The following GALNT18 variants were observed in gnomAD, a reference collection of about 807,000 sequenced individuals.
The protein encoded by GALNT18 is GalNAc-transferase 18.
Under a neutral mutation model 69.5 loss-of-function variants are expected in GALNT18, and 44 were observed. The ratio of observed to expected loss-of-function variants is 0.63; its 90% CI spans 0.50 to 0.81. The LOEUF (loss-of-function observed/expected upper bound fraction) is 0.81, where lower values mean the gene tolerates loss of function less well. Ranked by LOEUF, GALNT18 falls within the 40% of genes least tolerant of loss-of-function variation. GALNT18 has a pLI of 0.00. For missense variants in GALNT18, 715 were observed against 810.0 expected (o/e 0.88, Z 1.42); for synonymous variants, 364 against 318.2 (o/e 1.14, Z -1.53).
intron 6 of GALNT18, among the ~76,000 whole-genome samples, chr11:11,362,176 T>C (rs866319254): frequency 6.6e-5 from 10 of 152,300 alleles, no homozygotes; most frequent in African/African-American, 2.4e-4. Flanking sequence ...GCAGGATCAA[T>C]TCTGAATGAA....
intron 1 of GALNT18, among the ~76,000 whole-genome samples, chr11:11,526,408 G>A (rs1403897345): frequency 6.6e-6 from 1 of 152,108 alleles, no homozygotes; most frequent in South Asian, 2.1e-4. Context: ...TGCAGCGCTG[G>A]TCCCTTTCTG....
rs544159067 is a variant in GALNT18 at position 11,415,476 on chromosome 11, A to G, written c.595+17145T>C. 6.6e-6 allele frequency among the ~76,000 whole-genome samples: 1 copy of G among 152,284 alleles called. No individual in the cohort carries two copies. The highest frequency in any genetic ancestry group is 1.5e-5 in the Non-Finnish European group (1 of 68,028). ...AGTTCATGTGAGTCTGTCTCTAGGT[A>G]CAAGGCAGTTAAAGAAATACATAAG... is the stretch of plus-strand genomic sequence containing the variant. On this transcript the variant is annotated intron_variant, in intron 3 of 10. Transcript: ENST00000227756. This position sits in a 1 kb window ranked among gnomAD's most constrained non-coding sequence, Gnocchi z 4.1.
chr11:11,426,992 C>A (rs1855147220), intron 3 of GALNT18, among the ~76,000 whole-genome samples: 1 of 152,196 alleles, frequency 6.6e-6, no homozygotes, highest in Non-Finnish European at 1.5e-5. Flanking sequence ...GTTGTACAGG[C>A]TGGCCTTGAA....
intron 1 of GALNT18, among the ~76,000 whole-genome samples, chr11:11,610,165 A>G (rs180755634): frequency 3.9e-5 from 6 of 152,320 alleles, no homozygotes; most frequent in East Asian, 3.9e-4. Flanking sequence ...ACAACTCTCA[A>G]AAAGTTTTCT....
intron 1 of GALNT18, among the ~76,000 whole-genome samples, chr11:11,489,623 A>C (rs2133882680): frequency 6.6e-6 from 1 of 152,286 alleles, no homozygotes; most frequent in South Asian, 2.1e-4. Context: ...CCATGAAAAC[A>C]CCTGTGACCT....
chr11:11,345,686 T>C (rs138356043), intron 6 of GALNT18, among the ~76,000 whole-genome samples: 17 of 151,984 alleles, frequency 1.1e-4, no homozygotes, highest in African/African-American at 4.1e-4. Context: ...GGGGATGAAG[T>C]GTGGGTACAG....
intron 1 of GALNT18, among the ~76,000 whole-genome samples, chr11:11,495,503 C>T (rs1022539199): frequency 3.9e-5 from 6 of 152,168 alleles, no homozygotes; most frequent in African/African-American, 1.4e-4. Context: ...AAATGAGCTC[C>T]ACTCTTAAGC....
chr11:11,306,838 TC>T (rs56951776), intron 9 of GALNT18, among the ~76,000 whole-genome samples: 95,666 of 152,004 alleles, frequency 0.63, 30,614 homozygotes, highest in Admixed American at 0.76. Context: ...TCTCCCTTTA[TC>T]CGAGTCTGGG....
At position 11,616,415 on chromosome 11, in the gene GALNT18, G is replaced by C. The variant is rs564517251; in HGVS notation, c.235+4944C>G. 9.0e-4 allele frequency among the ~76,000 whole-genome samples: 137 copies of C among 152,236 alleles called. 1 individual carries two copies. The highest frequency in any genetic ancestry group is 4.6e-3 in the Admixed American group (71 of 15,296). ...AAACAATCTTTCATAAAAATGTTCA[G>C]ACTCTTTGAGTCAGTACTAATCCCA... On this transcript the variant is annotated intron_variant, in intron 1 of 10. Coordinates refer to ENST00000227756, the MANE Select transcript of GALNT18 (RefSeq NM_198516.3). This position sits in a 1 kb window ranked among gnomAD's most constrained non-coding sequence, Gnocchi z 4.4.
At chr11:11,575,313 C>T (rs10831643) in intron 1 of GALNT18, among the ~76,000 whole-genome samples, 59,937 of 152,078 alleles carry the variant, frequency 0.39, 13,213 homozygotes, top group East Asian at 0.64. Flanking sequence ...TTTGATCAAG[C>T]TATTACTTCC....
chr11:11,306,978 AGCCTG>A (rs1564889078), intron 9 of GALNT18, among the ~76,000 whole-genome samples: 1 of 152,208 alleles, frequency 6.6e-6, no homozygotes, highest in African/African-American at 2.4e-5. Flanking sequence ...CATGTGTAGA[AGCCTG>A]GCCTAGCCTG....
chr11:11,331,320 C>T (rs1417150503), intron 8 of GALNT18, among the ~76,000 whole-genome samples: 3 of 152,144 alleles, frequency 2.0e-5, no homozygotes, highest in African/African-American at 7.2e-5. Flanking sequence ...GGGAGGATAA[C>T]ACTGTCTCCT....
At chr11:11,348,184 C>T (rs774247845) in intron 6 of GALNT18, among the ~76,000 whole-genome samples, 1 of 151,812 alleles carries the variant, frequency 6.6e-6, no homozygotes. Context: ...TCGACACCAG[C>T]CTGGCCAACA....
intron 10 of GALNT18, among the ~76,000 whole-genome samples, chr11:11,285,355 G>GGAGGAAA (rs1849173376): frequency 6.6e-6 from 1 of 152,130 alleles, no homozygotes; most frequent in Non-Finnish European, 1.5e-5. Context: ...ACCTTATAGC[G>GGAGGAAA]CTATCATAGG....
chr11:11,452,245 G>A (rs1438096124), intron 1 of GALNT18, among the ~76,000 whole-genome samples: 2 of 152,170 alleles, frequency 1.3e-5, no homozygotes, highest in African/African-American at 4.8e-5. Context: ...AGAATCCTAG[G>A]GTTTATCCTC....
Position 11,309,104 on chromosome 11 carries a change from A to C in GALNT18, c.1513-15911T>G, listed in dbSNP as rs1849628956. Among the ~76,000 whole-genome samples the C allele has an allele frequency of 6.6e-6, 1 of 151,846 alleles. No homozygotes were observed. Among genetic ancestry groups the C allele is most frequent in the African/African-American group, 2.4e-5 (1 of 41,338 alleles). On this transcript the variant is annotated intron_variant, in intron 9 of 10. Coordinates refer to ENST00000227756, the MANE Select transcript of GALNT18 (RefSeq NM_198516.3). This position sits in a 1 kb window ranked among gnomAD's most constrained non-coding sequence, Gnocchi z 4.6. ...GGATCACTGGAGCACTGCCCTCATG[A>C]ATGGATTAGTGCCATCATCAAGGGA... is the stretch of plus-strand genomic sequence containing the variant.
chr11:11,511,970 T>C lies in GALNT18; in HGVS notation c.236-63034A>G, dbSNP rs572006859. Among the ~76,000 whole-genome samples the C allele has an allele frequency of 7.2e-5, 11 of 152,208 alleles. No homozygotes were observed. Among genetic ancestry groups the C allele is most frequent in the Non-Finnish European group, 1.5e-4 (10 of 68,034 alleles). Reference sequence around the variant, plus strand: ...TGATCAACACATATACATATGTATATGTATGCATACCATCATATGTATACA... The same window carrying C: ...TGATCAACACATATACATATGTATACGTATGCATACCATCATATGTATACA... On this transcript the variant is annotated intron_variant, in intron 1 of 10. Transcript: ENST00000227756. The surrounding 1 kb of genome is among the most constrained non-coding windows in gnomAD (Gnocchi z 4.9).
At chr11:11,286,861 T>C (rs1849205546) in intron 10 of GALNT18, among the ~76,000 whole-genome samples, 1 of 152,152 alleles carries the variant, frequency 6.6e-6, no homozygotes, top group Non-Finnish European at 1.5e-5. Context: ...GCTGGCCCAG[T>C]GAGAATTCTA....
intron 1 of GALNT18, among the ~76,000 whole-genome samples, chr11:11,507,401 G>A (rs920329844): frequency 6.6e-6 from 1 of 152,130 alleles, no homozygotes; most frequent in Admixed American, 6.5e-5. Context: ...ACAAGCCCCA[G>A]TGCATTTTCC....
Sources: allele counts gnomAD v4.1 joint callset (sites outside exome capture counted in the v4.1 genomes callset), GRCh38; gene constraint gnomAD v4.1.1; non-coding constraint Gnocchi (gnomAD v3.1); transcripts MANE v1.5; gene names NCBI Gene and HGNC (gene_info 2026-07-23, HGNC 2026-07-21).